Variants in ZNF630 observed in about 807,000 individuals in gnomAD.
ZNF630 encodes zinc finger protein 630, also known as dJ54B20.2 (novel KRAB box containing C2H2 type zinc finger protein).
A neutral mutation model predicts 7.2 loss-of-function variants in ZNF630; 5 were observed. The ratio of observed to expected loss-of-function variants is 0.70; its 90% CI spans 0.36 to 1.46. The LOEUF is 1.46. Ranked by LOEUF, ZNF630 falls within the 40% of genes most tolerant of loss-of-function variation. ZNF630 has a pLI of 0.03. For missense variants in ZNF630, 461 were observed against 477.0 expected, an observed-to-expected ratio of 0.97 and a Z score of 0.31; for synonymous variants, 158 against 162.8, an observed-to-expected ratio of 0.97 and a Z score of 0.23.
Position 48,059,057 on chromosome X carries a change from G to A in ZNF630, c.1385C>T (p.Thr462Ile). 2 of 1,208,392 alleles carry A rather than the reference G, an allele frequency of 1.7e-6. No homozygotes were observed. The change falls in exon 5 of 5, where the codon ACT (threonine) becomes ATT (isoleucine). Residue 462 changes from threonine (T) to isoleucine (I), a missense_variant. Transcript: ENST00000276054. ...IHTGEKPYVC[T>I]DCGKAFSQKS... The stretch of plus-strand genomic sequence containing the variant: ...CTGGGAAAAGGCCTTCCCACAGTCA[G>A]TACACACATAAGGTTTTTCTCCTGT...
chrX:48,058,386 G>T lies in ZNF630; in HGVS notation c.*82C>A. Reference sequence around the variant, plus strand: ...GAACATATTAGTCTATTCTACAGTTGAGAAGTTGTCACTATTTCTATTCAA... The same window carrying T: ...GAACATATTAGTCTATTCTACAGTTTAGAAGTTGTCACTATTTCTATTCAA... On this transcript the variant is annotated 3_prime_UTR_variant, in exon 5 of 5. Coordinates refer to ENST00000276054, the MANE Select transcript of ZNF630 (RefSeq NM_001282201.2). 1.0e-6 allele frequency: 1 copy of T among 970,795 alleles called. No homozygotes were observed. Among genetic ancestry groups the T allele is most frequent in the South Asian group, 2.5e-5 (1 of 40,123 alleles). The allele number at this position is 970,795 out of a possible 1,213,427, so 80.0% of individuals were successfully genotyped here.
In ZNF630 at chrX:48,058,416, A is replaced by T. The variant is rs1300113283; in HGVS notation, c.*52T>A. The stretch of plus-strand genomic sequence containing the variant: ...GTTGTCACTATTTCTATTCAATGTG[A>T]GTTTTCCCATAGACAATGAGGACTG... On this transcript the variant is annotated 3_prime_UTR_variant, in exon 5 of 5. Transcript: ENST00000276054. 2.6e-5 allele frequency: 28 copies of T among 1,096,366 alleles called. No individual in the cohort carries two copies. Among genetic ancestry groups the T allele is most frequent in the Admixed American group, 2.5e-4 (8 of 32,507 alleles). 90.4% of individuals were successfully genotyped at this position (1,096,366 alleles called of 1,213,427 possible).
At position 48,059,256 on chromosome X, in the gene ZNF630, T is replaced by A; in HGVS notation, c.1186A>T (p.Thr396Ser). 1 of 1,208,105 alleles carries A rather than the reference T, an allele frequency of 8.3e-7. No individual in the cohort carries two copies. The highest frequency in any genetic ancestry group is 2.2e-5 in the Admixed American group (1 of 45,868). The change falls in exon 5 of 5, where the codon ACT (threonine) becomes TCT (serine). Residue 396 changes from threonine to serine, a missense_variant. Coordinates refer to ENST00000276054, the MANE Select transcript of ZNF630 (RefSeq NM_001282201.2). Reference sequence around the variant, plus strand: ...TCATAGGGCTTCTTCCCAGTATGAGTTATCTGGTGTATAAAAAGGTGAGAC... The same window carrying A: ...TCATAGGGCTTCTTCCCAGTATGAGATATCTGGTGTATAAAAAGGTGAGAC... ...EMSHLFIHQI[T>S]HTGKKPYECT...
Position 48,057,913 on chromosome X carries a change from G to A in ZNF630, c.*555C>T, listed in dbSNP as rs782016531. 5.5e-5 allele frequency among the ~76,000 whole-genome samples: 6 copies of A among 109,504 alleles called. No homozygotes were observed. Among genetic ancestry groups the A allele is most frequent in the Admixed American group, 9.8e-5 (1 of 10,189 alleles). ...TCTACTAAAAATACAAAAATTAGCC[G>A]GGCCTGGTGGTGCATGCCTATAATC... On this transcript the variant is annotated 3_prime_UTR_variant, in exon 5 of 5. Coordinates refer to ENST00000276054, the MANE Select transcript of ZNF630 (RefSeq NM_001282201.2).
chrX:48,069,560 G>A (rs1004442525), intron 1 of ZNF630, among the ~76,000 whole-genome samples: 13 of 111,161 alleles, frequency 1.2e-4, no homozygotes, highest in Non-Finnish European at 1.9e-4. Context: ...GCAAAACTAT[G>A]GCGAATAGGT....
chrX:48,060,121 T>C lies in ZNF630; in HGVS notation c.321A>G (p.Pro107=). Residue 107 remains proline (P), a synonymous_variant, in exon 5 of 5, where the codon CCA becomes CCG. Transcript: ENST00000276054. ...AAACAGAGTACAATGAATTATCCTT[T>C]GGGGCTCTTTCTAGTATCTCCCTTT... ...LFQREILERA[P]KDNSLYSVLK... The C allele has an allele frequency of 8.5e-7, 1 of 1,175,238 alleles. No individual in the cohort carries two copies.
intron 2 of ZNF630, among the ~76,000 whole-genome samples, chrX:48,063,781 C>G (rs6520305): frequency 0.43 from 46,423 of 109,025 alleles, 7,426 homozygotes; most frequent in Non-Finnish European, 0.47. Flanking sequence ...CCTGCTACTC[C>G]GGAGGCTGAG....
At chrX:48,060,303 A>C in intron 4 of ZNF630, 100 bp from the exon 5 acceptor site, 1 of 989,160 alleles carries the variant, frequency 1.0e-6, no homozygotes, top group Non-Finnish European at 1.3e-6. Context: ...GTTGGCAATG[A>C]ACAGAGGTAC....
chrX:48,059,636 C>A lies in ZNF630; in HGVS notation c.806G>T (p.Gly269Val), dbSNP rs202236754. 5.1e-5 allele frequency: 61 copies of A among 1,206,940 alleles called. No individual in the cohort carries two copies. The highest frequency in any genetic ancestry group is 6.8e-5 in the Non-Finnish European group (61 of 892,992). ...REKPNVCSMC[G>V]KAFIKKSQLI... ...CTGTGACTTCTTGATAAAGGCTTTC[C>A]CACACATACTACAAACATTGGGTTT... The change falls in exon 5 of 5, where the codon GGG becomes GTG. Residue 269 changes from glycine to valine, a missense_variant. Physicochemically the swap from Gly to Val is moderately radical, Grantham distance 109 (BLOSUM62 -3). Coordinates refer to ENST00000276054, the MANE Select transcript of ZNF630 (RefSeq NM_001282201.2).
Position 48,061,418 on chromosome X carries a change from T to C in ZNF630, c.16-473A>G, listed in dbSNP as rs146867050. ...AAATGTGACTACTTTATGTATTACA[T>C]GGCAAAATATATCAAACAAACTCAA... On this transcript the variant is annotated intron_variant, in intron 2 of 4. Transcript: ENST00000276054. Among the ~76,000 whole-genome samples, 379 of 111,722 alleles carry C rather than the reference T, an allele frequency of 3.4e-3. 5 individuals are homozygous for C. The highest frequency in any genetic ancestry group is 0.012 in the African/African-American group (372 of 30,654).
intron 4 of ZNF630, 97 bp downstream of exon 4, chrX:48,060,353 G>T: frequency 1.0e-6 from 1 of 1,004,892 alleles, no homozygotes; most frequent in Non-Finnish European, 1.4e-6. Context: ...TATAAAGGAG[G>T]CCTGATAAAT....
intron 1 of ZNF630, among the ~76,000 whole-genome samples, chrX:48,069,254 GGAAAA>G (rs1256546646): frequency 5.6e-5 from 6 of 106,341 alleles, no homozygotes; most frequent in Non-Finnish European, 7.7e-5. Context: ...AAAAAAAAAA[GGAAAA>G]GAAAAGAAAA....
intron 2 of ZNF630, among the ~76,000 whole-genome samples, chrX:48,065,476 A>AGAGAGAGG (rs781946743): frequency 1.5e-4 from 12 of 77,432 alleles, no homozygotes; most frequent in Non-Finnish European, 2.0e-4. Context: ...AGAGAGAGAG[A>AGAGAGAGG]GAGGGAGGGA....
Position 48,066,952 on chromosome X carries a change from G to A in ZNF630, c.-66C>T. ...GTGCAGAAGAGTCTTCGGAGATCAAGCTGAGTTAACCACTCTTCAACAGCT... is the reference window on the plus strand; with the variant it reads ...GTGCAGAAGAGTCTTCGGAGATCAAACTGAGTTAACCACTCTTCAACAGCT... On this transcript the variant is annotated 5_prime_UTR_variant, in exon 2 of 5. Coordinates refer to ENST00000276054, the MANE Select transcript of ZNF630 (RefSeq NM_001282201.2). 1 of 1,128,174 alleles carries A rather than the reference G, an allele frequency of 8.9e-7. No homozygotes were observed. The highest frequency in any genetic ancestry group is 1.8e-5 in the African/African-American group (1 of 55,861). 93.0% of individuals were successfully genotyped at this position (1,128,174 alleles called of 1,213,427 possible).
In ZNF630 at chrX:48,059,380, T is replaced by A; in HGVS notation, c.1062A>T (p.Lys354Asn). 8.3e-7 allele frequency: 1 copy of A among 1,207,866 alleles called. No homozygotes were observed. Residue 354 changes from lysine to asparagine, a missense_variant, in exon 5 of 5, where the codon AAA becomes AAT. Physicochemically the swap from Lys to Asn is moderately conservative, Grantham distance 94. Transcript: ENST00000276054. ...EKPYECFECP[K>N]AFSQKSHLII... ...TTAGATGTGACTTCTGGGAGAAAGC[T>A]TTTGGACACTCAAAACACTCATAGG...
Position 48,060,141 on chromosome X carries a change from C to G in ZNF630, c.301G>C (p.Glu101Gln). ...TCCTTTGGGGCTCTTTCTAGTATCT[C>G]CCTTTGAAATAAAAGTTCTCCAGAA... ...IISGELLFQR[E>Q]ILERAPKDNS... The change falls in exon 5 of 5, where the codon GAG becomes CAG. Residue 101 changes from glutamate (E) to glutamine (Q), a missense_variant. Coordinates refer to ENST00000276054, the MANE Select transcript of ZNF630 (RefSeq NM_001282201.2). 1 of 1,164,986 alleles carries G rather than the reference C, an allele frequency of 8.6e-7. No homozygotes were observed. The highest frequency in any genetic ancestry group is 1.1e-6 in the Non-Finnish European group (1 of 870,741).
At position 48,058,266 on chromosome X, in the gene ZNF630, T is replaced by C; in HGVS notation, c.*202A>G. The C allele has an allele frequency of 2.7e-6, 1 of 365,204 alleles. No homozygotes were observed. 30.1% of individuals were successfully genotyped at this position (365,204 alleles called of 1,213,427 possible). ...TTCTGTGAAGAGGGCTGAGACAGTTTGAGGGTGAGCAAATTGATTCCATAT... is the reference window on the plus strand; with the variant it reads ...TTCTGTGAAGAGGGCTGAGACAGTTCGAGGGTGAGCAAATTGATTCCATAT... On this transcript the variant is annotated 3_prime_UTR_variant, in exon 5 of 5. Transcript: ENST00000276054.
intron 1 of ZNF630, among the ~76,000 whole-genome samples, chrX:48,070,485 C>T (rs1350073097): frequency 2.8e-5 from 3 of 107,808 alleles, no homozygotes; most frequent in Non-Finnish European, 5.8e-5. Flanking sequence ...TGGTGGCAGG[C>T]GCCTGTAATT....
intron 1 of ZNF630, among the ~76,000 whole-genome samples, chrX:48,070,822 G>A (rs2059157024): frequency 1.8e-5 from 1 of 56,811 alleles, no homozygotes; most frequent in Admixed American, 1.8e-4. Context: ...GGACACCACA[G>A]GAGCAGAGAT....
Sources: gnomAD v4.1 joint callset for allele counts (sites outside exome capture counted in the v4.1 genomes callset) on GRCh38, gnomAD v4.1.1 for gene constraint, MANE v1.5 for transcripts, NCBI Gene and HGNC (gene_info 2026-07-23, HGNC 2026-07-21) for gene names.